NFIB: variants seen among roughly 807,000 people sequenced by gnomAD.
NFIB encodes the protein nuclear factor I B, also known as nuclear factor 1 B-type.
In NFIB, 11 loss-of-function variants were observed where a neutral mutation model predicts 61.5. That is an observed-to-expected ratio of 0.18 (90% CI 0.11 to 0.30). NFIB has a LOEUF of 0.30. Among genes scored for constraint, NFIB ranks in the 10% least tolerant of loss-of-function variants. The pLI, the probability that NFIB is intolerant of heterozygous loss-of-function variation, is 1.00. For missense variants in NFIB, 471 were observed against 608.9 expected (o/e 0.77, Z 2.38); for synonymous variants, 260 against 216.5 (o/e 1.20, Z -1.76).
At chr9:14,468,759 C>G in the NFIB span, among the ~76,000 whole-genome samples, 1 of 152,206 alleles carries the variant, frequency 6.6e-6, no homozygotes, top group Non-Finnish European at 1.5e-5. Context: ...GTTCTACATA[C>G]ATATTTTGTT....
chr9:14,208,333 T>A (rs1271702664), intron 2 of NFIB, among the ~76,000 whole-genome samples: 1 of 152,034 alleles, frequency 6.6e-6, no homozygotes, highest in African/African-American at 2.4e-5. Flanking sequence ...GACATCAAGG[T>A]TAAATTGTAC....
intron 2 of NFIB, among the ~76,000 whole-genome samples, chr9:14,199,489 C>A (rs1424583835): frequency 6.6e-6 from 1 of 152,300 alleles, no homozygotes; most frequent in East Asian, 1.9e-4. Flanking sequence ...CCTTTACTTT[C>A]AAAAACTTAA....
chr9:14,158,281 CCT>C (rs2043703070), intron 3 of NFIB, among the ~76,000 whole-genome samples: 1 of 152,082 alleles, frequency 6.6e-6, no homozygotes, highest in African/African-American at 2.4e-5. Flanking sequence ...ATGAGATGGC[CCT>C]CTTTCTACAC....
chr9:14,429,192 C>T, the NFIB span, among the ~76,000 whole-genome samples: 165 of 152,136 alleles, frequency 1.1e-3, 2 homozygotes, highest in Admixed American at 9.5e-3. Flanking sequence ...CTGGGAAGTC[C>T]GTACAAAGAA....
chr9:14,237,726 A>AT (rs2053887658), intron 2 of NFIB, among the ~76,000 whole-genome samples: 1 of 149,460 alleles, frequency 6.7e-6, no homozygotes, highest in Admixed American at 6.7e-5. Context: ...AACATTTATT[A>AT]TTGATCTACC....
At chr9:14,253,934 T>C (rs2055930953) in intron 2 of NFIB, among the ~76,000 whole-genome samples, 1 of 152,192 alleles carries the variant, frequency 6.6e-6, no homozygotes, top group Non-Finnish European at 1.5e-5. Flanking sequence ...CTTTGACTTT[T>C]GCTCATGCTG....
At chr9:14,321,520 T>G (rs970943244) in intron 1 of NFIB, among the ~76,000 whole-genome samples, 2 of 152,152 alleles carry the variant, frequency 1.3e-5, no homozygotes, top group African/African-American at 2.4e-5. Context: ...TGAATTAAAA[T>G]GGAGAAAAGA....
chr9:14,462,408 C>G, the NFIB span, among the ~76,000 whole-genome samples: 2 of 151,862 alleles, frequency 1.3e-5, no homozygotes, highest in South Asian at 4.1e-4. Context: ...TCAGCCTCCC[C>G]AGCAGCAGGG....
chr9:14,475,091 ACTTAG>A, the NFIB span, among the ~76,000 whole-genome samples: 1 of 152,224 alleles, frequency 6.6e-6, no homozygotes, highest in Non-Finnish European at 1.5e-5. Flanking sequence ...TCTGGGTATC[ACTTAG>A]CTTAGCCAAG....
the NFIB span, among the ~76,000 whole-genome samples, chr9:14,455,666 C>T: frequency 1.3e-5 from 2 of 152,074 alleles, no homozygotes; most frequent in Non-Finnish European, 2.9e-5. Flanking sequence ...AGTTAAGAAG[C>T]TACTTCAGAA....
the NFIB span, among the ~76,000 whole-genome samples, chr9:14,450,371 C>T: frequency 2.6e-5 from 4 of 152,164 alleles, no homozygotes; most frequent in Admixed American, 2.0e-4. Context: ...ATTGACCTAA[C>T]GTTACTTTTC....
intron 2 of NFIB, among the ~76,000 whole-genome samples, chr9:14,259,265 G>A (rs1164704377): frequency 6.6e-6 from 1 of 152,182 alleles, no homozygotes; most frequent in Non-Finnish European, 1.5e-5. Context: ...AAAGTGAAAA[G>A]GCCTAAGGAA....
the NFIB span, among the ~76,000 whole-genome samples, chr9:14,485,195 C>T: frequency 6.6e-6 from 1 of 152,162 alleles, no homozygotes; most frequent in Admixed American, 6.5e-5. Flanking sequence ...GGACAAAATT[C>T]AGTCCATAAC....
intron 2 of NFIB, among the ~76,000 whole-genome samples, chr9:14,185,011 G>T (rs981601956): frequency 6.6e-6 from 1 of 152,036 alleles, no homozygotes; most frequent in Non-Finnish European, 1.5e-5. Context: ...GTAATGTTTG[G>T]AACACAGTAG....
intron 2 of NFIB, among the ~76,000 whole-genome samples, chr9:14,246,022 G>A (rs2054884679): frequency 1.3e-5 from 2 of 151,788 alleles, no homozygotes; most frequent in African/African-American, 4.8e-5. Context: ...GGAATGTGTG[G>A]TTGCACAAAT....
chr9:14,276,124 A>G (rs2057981496), intron 2 of NFIB, among the ~76,000 whole-genome samples: 1 of 152,154 alleles, frequency 6.6e-6, no homozygotes, highest in Admixed American at 6.5e-5. Context: ...TAGGTTTGCC[A>G]TACTCCATTT....
At chr9:14,104,133 G>A (rs950002231) in intron 10 of NFIB, among the ~76,000 whole-genome samples, 5 of 151,770 alleles carry the variant, frequency 3.3e-5, no homozygotes, top group Admixed American at 6.6e-5. Context: ...GGCTGGTCTC[G>A]AACTCCTGAC....
At chr9:14,247,676 T>C (rs2055087727) in intron 2 of NFIB, among the ~76,000 whole-genome samples, 1 of 152,340 alleles carries the variant, frequency 6.6e-6, no homozygotes, top group East Asian at 1.9e-4. Context: ...AGCAAGATTT[T>C]AATACTTACC....
the NFIB span, among the ~76,000 whole-genome samples, chr9:14,491,843 T>C: frequency 6.6e-6 from 1 of 152,112 alleles, no homozygotes; most frequent in Non-Finnish European, 1.5e-5. Context: ...GCCCAAAATA[T>C]CAAAATCATG....
Sources: allele counts gnomAD v4.1 joint callset (sites outside exome capture counted in the v4.1 genomes callset), GRCh38; gene constraint gnomAD v4.1.1; transcripts MANE v1.5; gene names NCBI Gene and HGNC (gene_info 2026-07-23, HGNC 2026-07-21).